KIFAP3: variants seen among roughly 807,000 people sequenced by gnomAD.
KIFAP3 encodes the protein kinesin associated protein 3, also known as kinesin-associated protein 3.
KIFAP3 carries 68 observed loss-of-function variants against 106.5 expected under a neutral mutation model. That is an observed-to-expected ratio of 0.64 (90% CI 0.53 to 0.78). The LOEUF (loss-of-function observed/expected upper bound fraction) is 0.78, where lower values mean the gene tolerates loss of function less well. KIFAP3 is among the 30% of genes least tolerant of loss of function. KIFAP3 has a pLI of 0.00. For synonymous variants in KIFAP3, 320 were observed against 311.5 expected, an observed-to-expected ratio of 1.03 and a Z score of -0.29; for missense variants, 780 against 941.8, an observed-to-expected ratio of 0.83 and a Z score of 2.25.
At chr1:170,028,240 A>C (rs1267643973) in intron 8 of KIFAP3, among the ~76,000 whole-genome samples, 1 of 152,134 alleles carries the variant, frequency 6.6e-6, no homozygotes. Flanking sequence ...TGGTAACTCT[A>C]CAAGGAAATA....
intron 8 of KIFAP3, among the ~76,000 whole-genome samples, chr1:170,029,803 T>C (rs370803196): frequency 2.0e-5 from 3 of 151,820 alleles, no homozygotes; most frequent in African/African-American, 7.2e-5. Flanking sequence ...TAGAACAAAA[T>C]AGAAACCCAA....
Position 170,024,416 on chromosome 1 carries a change from A to C in KIFAP3, c.1020+2T>G. 2 of 1,546,950 alleles carry C rather than the reference A, an allele frequency of 1.3e-6. No individual in the cohort carries two copies. The highest frequency in any genetic ancestry group is 1.7e-6 in the Non-Finnish European group (2 of 1,143,184). On this transcript the variant is annotated splice_donor_variant, in intron 9 of 19. Transcript: ENST00000361580. LOFTEE classifies it high-confidence loss of function. ...ATTTCAAGAAAAAGCTTTGTAAGTT[A>C]CCATATCATTTTTATTCTCCATAAA... is the stretch of plus-strand genomic sequence containing the variant.
chr1:169,977,200 G>A (rs982890125), intron 16 of KIFAP3, among the ~76,000 whole-genome samples: 16 of 152,168 alleles, frequency 1.1e-4, no homozygotes, highest in Non-Finnish European at 1.9e-4. Context: ...TTAATTATAT[G>A]TAGTAAAAGA....
intron 18 of KIFAP3, 45 bp downstream of exon 18, chr1:169,961,001 A>G (rs767456672): frequency 4.0e-6 from 6 of 1,508,730 alleles, no homozygotes; most frequent in Admixed American, 3.6e-5. Flanking sequence ...TAAAATCTCT[A>G]TTCATAGCAT....
At chr1:169,964,052 T>C (rs1665475404) in intron 17 of KIFAP3, among the ~76,000 whole-genome samples, 1 of 152,162 alleles carries the variant, frequency 6.6e-6, no homozygotes, top group South Asian at 2.1e-4. Flanking sequence ...TATTCAGATA[T>C]AAATAATAAA....
intron 1 of KIFAP3, among the ~76,000 whole-genome samples, chr1:170,080,792 A>G (rs575058641): frequency 7.9e-5 from 12 of 152,222 alleles, no homozygotes; most frequent in African/African-American, 2.6e-4. Context: ...ATATAATTCT[A>G]TGCCATTTTA....
chr1:169,962,025 T>A (rs1665364946), intron 17 of KIFAP3, among the ~76,000 whole-genome samples: 1 of 152,266 alleles, frequency 6.6e-6, no homozygotes, highest in Admixed American at 6.5e-5. Context: ...TGACAGGTAG[T>A]TAGCATAAAA....
intron 2 of KIFAP3, among the ~76,000 whole-genome samples, chr1:170,050,772 C>T (rs537200459): frequency 1.2e-4 from 18 of 152,214 alleles, no homozygotes; most frequent in Non-Finnish European, 1.3e-4. Context: ...GAGATAAAAA[C>T]CTTTCCAGAC....
chr1:169,940,488 C>T (rs1664048258), intron 19 of KIFAP3, among the ~76,000 whole-genome samples: 1 of 152,138 alleles, frequency 6.6e-6, no homozygotes, highest in Non-Finnish European at 1.5e-5. Flanking sequence ...GGAGGAGAGA[C>T]GATTTTGGGA....
At chr1:169,958,767 T>C (rs866111151) in intron 18 of KIFAP3, among the ~76,000 whole-genome samples, 17 of 152,154 alleles carry the variant, frequency 1.1e-4, no homozygotes, top group African/African-American at 3.6e-4. Flanking sequence ...TGACAAAATA[T>C]TTCCTCTATG....
At position 169,983,301 on chromosome 1, in the gene KIFAP3, T is replaced by C. The variant is rs1666626643; in HGVS notation, c.1475A>G (p.Gln492Arg). The C allele has an allele frequency of 1.9e-6, 3 of 1,608,158 alleles. No homozygotes were observed. Among genetic ancestry groups the C allele is most frequent in the Non-Finnish European group, 8.5e-7 (1 of 1,176,818 alleles). ...LLMKMIRNIS[Q>R]HDGPTKNLFI... ...CAGATTTTTAGTTGGTCCATCATGC[T>C]GAGAAATGTTTCTAATCATTTTCAT... The change falls in exon 13 of 20, where the codon CAG becomes CGG. Residue 492 changes from glutamine (Q) to arginine (R), a missense_variant. Coordinates refer to ENST00000361580, the MANE Select transcript of KIFAP3 (RefSeq NM_014970.4).
intron 3 of KIFAP3, among the ~76,000 whole-genome samples, chr1:170,044,781 G>A (rs1670157711): frequency 6.6e-6 from 1 of 152,162 alleles, no homozygotes; most frequent in South Asian, 2.1e-4. Flanking sequence ...CCATTAAACA[G>A]CTCTTACCTG....
intron 11 of KIFAP3, 47 bp downstream of exon 11, chr1:169,992,106 AAT>A: frequency 1.1e-6 from 1 of 890,782 alleles, no homozygotes. Flanking sequence ...AAGAGTAAAA[AAT>A]ATATATATTT....
At chr1:169,942,714 A>G (rs939128156) in intron 19 of KIFAP3, among the ~76,000 whole-genome samples, 18 of 152,210 alleles carry the variant, frequency 1.2e-4, no homozygotes, top group African/African-American at 4.1e-4. Flanking sequence ...AAAGCCATGG[A>G]CTGGAAACTA....
intron 10 of KIFAP3, among the ~76,000 whole-genome samples, chr1:169,995,334 C>T (rs1667317655): frequency 1.3e-5 from 2 of 151,942 alleles, no homozygotes; most frequent in East Asian, 1.9e-4. Flanking sequence ...TTTTTTTCCC[C>T]CGGAAATTGA....
intron 11 of KIFAP3, among the ~76,000 whole-genome samples, chr1:169,991,482 G>A (rs565137128): frequency 4.6e-5 from 7 of 152,102 alleles, no homozygotes; most frequent in East Asian, 1.9e-4. Context: ...AAGAAATAAC[G>A]AACCACTGCA....
chr1:170,048,332 C>T (rs1276934341), intron 2 of KIFAP3, among the ~76,000 whole-genome samples: 1 of 146,812 alleles, frequency 6.8e-6, no homozygotes, highest in African/African-American at 2.5e-5. Context: ...CCTTTTAAGT[C>T]CTTTAATTTT....
At chr1:169,957,158 A>G (rs2101852203) in intron 18 of KIFAP3, among the ~76,000 whole-genome samples, 1 of 152,328 alleles carries the variant, frequency 6.6e-6, no homozygotes, top group South Asian at 2.1e-4. Context: ...CTTCTTATTT[A>G]TTCTCCAAAT....
In KIFAP3 at chr1:170,024,537, T is replaced by TCA; in HGVS notation, c.900_901insTG (p.Asn301Ter). 1 of 1,605,550 alleles carries TCA rather than the reference T, an allele frequency of 6.2e-7. No homozygotes were observed. Among genetic ancestry groups the TCA allele is most frequent in the Non-Finnish European group, 8.5e-7 (1 of 1,175,750 alleles). ...ACCAACATGTGAACTATGTTCTTGT[T>TCA]CCTCATTTTCAGTTCGGTACGAGTA... On this transcript the variant is annotated frameshift_variant, in exon 9 of 20. Transcript: ENST00000361580. LOFTEE classifies it high-confidence loss of function.
Sources: allele counts gnomAD v4.1 joint callset (sites outside exome capture counted in the v4.1 genomes callset), GRCh38; gene constraint gnomAD v4.1.1; transcripts MANE v1.5; gene names NCBI Gene and HGNC (gene_info 2026-07-23, HGNC 2026-07-21).